HERC3: variants seen among roughly 807,000 people sequenced by gnomAD.
HERC3 encodes the protein HECT and RLD domain containing E3 ubiquitin protein ligase 3.
A neutral mutation model predicts 129.9 loss-of-function variants in HERC3; 58 were observed. The ratio of observed to expected loss-of-function variants is 0.45; its 90% confidence interval spans 0.36 to 0.56. The LOEUF (loss-of-function observed/expected upper bound fraction) is 0.56, where lower values mean the gene tolerates loss of function less well. Among genes scored for constraint, HERC3 ranks in the 20% least tolerant of loss-of-function variants. HERC3 has a pLI of 0.00. For missense variants in HERC3, 835 were observed against 1,244.2 expected (o/e 0.67, Z 4.95); for synonymous variants, 430 against 451.0 (o/e 0.95, Z 0.59).
the HERC3 span, among the ~76,000 whole-genome samples, chr4:88,569,113 G>A: frequency 6.6e-6 from 1 of 152,122 alleles, no homozygotes; most frequent in Admixed American, 6.5e-5. Context: ...AGCCTGTGGT[G>A]GTGGGGCTAG....
rs187194734 is a variant in HERC3 at position 88,659,213 on chromosome 4, A to G, written c.1146+722A>G. Among the ~76,000 whole-genome samples the G allele has an allele frequency of 4.8e-3, 736 of 152,174 alleles. 7 individuals carry two copies. The highest frequency in any genetic ancestry group is 5.3e-3 in the Non-Finnish European group (362 of 68,012). On this transcript the variant is annotated intron_variant, in intron 10 of 25. Coordinates refer to ENST00000402738, the MANE Select transcript of HERC3 (RefSeq NM_014606.3). ...CCCTTCCTGCTTTTATTCAGCAAAC[A>G]TTTCAACAGGACCAGCTCCGAGTGG...
chr4:88,655,331 A>G (rs1729764121), intron 8 of HERC3, 27 bp downstream of exon 8: 2 of 1,611,582 alleles, frequency 1.2e-6, no homozygotes, highest in South Asian at 1.1e-5. Flanking sequence ...GCTTGCTTGT[A>G]TTCACTAGGA....
At chr4:88,704,747 G>T (rs909248229) in intron 25 of HERC3, 137 bp downstream of exon 25, 11 of 617,246 alleles carry the variant, frequency 1.8e-5, no homozygotes, top group Non-Finnish European at 2.9e-5. Flanking sequence ...TATGCTTTTT[G>T]TCTTAATGTT....
At chr4:88,540,119 A>T in the HERC3 span, among the ~76,000 whole-genome samples, 1 of 152,230 alleles carries the variant, frequency 6.6e-6, no homozygotes, top group East Asian at 1.9e-4. Context: ...AGGCTTCAGA[A>T]GATTGGTAAT....
chr4:88,560,211 C>T, the HERC3 span, among the ~76,000 whole-genome samples: 4 of 152,128 alleles, frequency 2.6e-5, no homozygotes, highest in Non-Finnish European at 4.4e-5. Context: ...CCACCCGCCT[C>T]GGCCTCCCAA....
chr4:88,663,490 C>G (rs2149290853), intron 11 of HERC3, among the ~76,000 whole-genome samples: 1 of 152,262 alleles, frequency 6.6e-6, no homozygotes, highest in Admixed American at 6.5e-5. Flanking sequence ...AAGACATGAT[C>G]TTTAAAGATC....
chr4:88,665,160 A>G (rs1402032608), intron 12 of HERC3, among the ~76,000 whole-genome samples: 1 of 152,200 alleles, frequency 6.6e-6, no homozygotes. Context: ...AGATAGATGG[A>G]TGTATCTAGA....
At chr4:88,605,764 TA>T (rs1333823220) in intron 2 of HERC3, 30 bp from the exon 3 acceptor site, 94 of 1,361,376 alleles carry the variant, frequency 6.9e-5, no homozygotes, top group Admixed American at 1.2e-4. Flanking sequence ...TCTTTTTAAT[TA>T]AAAAATAATT....
intron 3 of HERC3, among the ~76,000 whole-genome samples, chr4:88,629,040 A>C (rs1726454668): frequency 6.6e-6 from 1 of 152,172 alleles, no homozygotes; most frequent in Non-Finnish European, 1.5e-5. Flanking sequence ...ACATGGTGGC[A>C]TGTGCCAGTA....
At chr4:88,596,867 C>T (rs1239441678) in intron 2 of HERC3, among the ~76,000 whole-genome samples, 1 of 152,090 alleles carries the variant, frequency 6.6e-6, no homozygotes, top group African/African-American at 2.4e-5. Flanking sequence ...GCTTTGTTAC[C>T]ACTGATGATT....
intron 3 of HERC3, among the ~76,000 whole-genome samples, chr4:88,644,584 G>C (rs1207651724): frequency 6.6e-6 from 1 of 152,156 alleles, no homozygotes; most frequent in Non-Finnish European, 1.5e-5. Context: ...CAGATTGTTG[G>C]TTGTCAGGGG....
chr4:88,698,448 G>A (rs1239399169), intron 23 of HERC3, among the ~76,000 whole-genome samples: 1 of 152,078 alleles, frequency 6.6e-6, no homozygotes, highest in Non-Finnish European at 1.5e-5. Flanking sequence ...TCCCCTGGAA[G>A]CAGTTTTGGA....
At chr4:88,615,706 A>G (rs1724829181) in intron 3 of HERC3, among the ~76,000 whole-genome samples, 1 of 152,194 alleles carries the variant, frequency 6.6e-6, no homozygotes, top group African/African-American at 2.4e-5. Context: ...GATTTAATAC[A>G]TTGCCTATCA....
intron 3 of HERC3, among the ~76,000 whole-genome samples, chr4:88,617,031 G>T (rs894064317): frequency 6.6e-6 from 1 of 151,822 alleles, no homozygotes; most frequent in Admixed American, 6.6e-5. Context: ...TTTTTTGGGC[G>T]CCAGAATTGG....
At position 88,620,260 on chromosome 4, in the gene HERC3, G is replaced by C. The variant is rs1393655560; in HGVS notation, c.226+14211G>C. Reference sequence around the variant, plus strand: ...ACTGTTGACTCACAAATTATCTTCAGCCTCAACTACTTAATTTCAGACTTG... The same window carrying C: ...ACTGTTGACTCACAAATTATCTTCACCCTCAACTACTTAATTTCAGACTTG... On this transcript the variant is annotated intron_variant, in intron 3 of 25. Coordinates refer to ENST00000402738, the MANE Select transcript of HERC3 (RefSeq NM_014606.3). Among the ~76,000 whole-genome samples, 26 of 152,160 alleles carry C rather than the reference G, an allele frequency of 1.7e-4. 1 individual carries two copies. The highest frequency in any genetic ancestry group is 1.6e-3 in the Admixed American group (25 of 15,280).
chr4:88,611,414 G>A (rs1165388852), intron 3 of HERC3, among the ~76,000 whole-genome samples: 2 of 152,172 alleles, frequency 1.3e-5, no homozygotes, highest in Admixed American at 1.3e-4. Context: ...GTTGGTCTTG[G>A]CCCACAGGAA....
the HERC3 span, among the ~76,000 whole-genome samples, chr4:88,554,457 G>A: frequency 6.6e-6 from 1 of 152,084 alleles, no homozygotes; most frequent in African/African-American, 2.4e-5. Context: ...AAGTAACTGT[G>A]AAGATGAGGT....
the HERC3 span, among the ~76,000 whole-genome samples, chr4:88,541,932 G>A: frequency 6.6e-6 from 1 of 152,168 alleles, no homozygotes; most frequent in African/African-American, 2.4e-5. Context: ...GAATCTCTGG[G>A]ACACATTTAA....
chr4:88,623,768 G>T (rs1725799334), intron 3 of HERC3, among the ~76,000 whole-genome samples: 2 of 152,096 alleles, frequency 1.3e-5, no homozygotes, highest in Admixed American at 6.5e-5. Flanking sequence ...ATTTTTTGGT[G>T]TGTATGTGCT....
Sources: gnomAD v4.1 joint callset for allele counts (sites outside exome capture counted in the v4.1 genomes callset) on GRCh38, gnomAD v4.1.1 for gene constraint, MANE v1.5 for transcripts, NCBI Gene and HGNC (gene_info 2026-07-23, HGNC 2026-07-21) for gene names.